CFHR3: variants seen among roughly 807,000 people sequenced by gnomAD.
CFHR3 encodes the protein complement factor H-related protein 3.
Under a neutral mutation model 36.0 loss-of-function variants are expected in CFHR3, and 22 were observed. That is an observed-to-expected ratio of 0.61 (90% confidence interval 0.44 to 0.87). The LOEUF (loss-of-function observed/expected upper bound fraction) is 0.87, where lower values mean the gene tolerates loss of function less well. Ranked by LOEUF, CFHR3 falls within the 40% of genes least tolerant of loss-of-function variation. CFHR3 has a pLI of 0.00. For synonymous variants in CFHR3, 97 were observed against 137.4 expected (o/e 0.71, Z 2.06); for missense variants, 276 against 401.3 (o/e 0.69, Z 2.67).
rs1269279896 is a variant in CFHR3 at position 196,788,592 on chromosome 1, AT to A, written c.613+197del. Among the ~76,000 whole-genome samples the A allele has an allele frequency of 5.1e-5, 7 of 137,394 alleles. 2 individuals are homozygous for A. The highest frequency in any genetic ancestry group is 4.9e-4 in the Admixed American group (7 of 14,254). The allele number at this position is 137,394 out of a possible 152,430, so 90.1% of individuals were successfully genotyped here. ...GTAATGGCTACTTGGGAAGATGATCATTTCATCTCTTACAACTCAATCTGCC... is the reference window on the plus strand; with the variant it reads ...GTAATGGCTACTTGGGAAGATGATCATTCATCTCTTACAACTCAATCTGCC... On this transcript the variant is annotated intron_variant, in intron 4 of 5. Coordinates refer to ENST00000367425, the MANE Select transcript of CFHR3 (RefSeq NM_021023.6).
intron 3 of CFHR3, among the ~76,000 whole-genome samples, chr1:196,782,038 A>T (rs1310405090): frequency 7.3e-6 from 1 of 137,428 alleles, no homozygotes; most frequent in Admixed American, 7.0e-5. Context: ...CTGTTTTCCC[A>T]GCAACATTTA....
chr1:196,781,655 T>C lies in CFHR3; in HGVS notation c.430+1682T>C, dbSNP rs1243759997. 2.2e-5 allele frequency among the ~76,000 whole-genome samples: 3 copies of C among 136,050 alleles called. 1 individual carries two copies. Among genetic ancestry groups the C allele is most frequent in the Admixed American group, 2.1e-4 (3 of 14,100 alleles). The allele number at this position is 136,050 out of a possible 152,430, so 89.3% of individuals were successfully genotyped here. A position where few individuals can be genotyped will look rare whatever the true frequency, so the allele number is the denominator to read the frequency against. On this transcript the variant is annotated intron_variant, in intron 3 of 5. Coordinates refer to ENST00000367425, the MANE Select transcript of CFHR3 (RefSeq NM_021023.6). Reference sequence around the variant, plus strand: ...CCCACTTTTTGATGGGGTTGTTTGTTTTTTTCTTGTAAATTTGTTTGAGTT... The same window carrying C: ...CCCACTTTTTGATGGGGTTGTTTGTCTTTTTCTTGTAAATTTGTTTGAGTT...
intron 1 of CFHR3, among the ~76,000 whole-genome samples, chr1:196,776,834 G>GATATATATATATAT (rs35001925): frequency 7.8e-6 from 1 of 128,152 alleles, no homozygotes; most frequent in East Asian, 2.0e-4. Flanking sequence ...TTTACTCAAG[G>GATATATATATATAT]ATATATATAT....
rs1277588967 is a variant in CFHR3, at chr1:196,792,230, G to C, written c.797-1087G>C. On this transcript the variant is annotated intron_variant, in intron 5 of 5. Coordinates refer to ENST00000367425, the MANE Select transcript of CFHR3 (RefSeq NM_021023.6). ...TCAAAAGTGATATGTACTATGTTAA[G>C]AAATTTATTTAAGTAAGTACTTGAA... 1.8e-5 allele frequency among the ~76,000 whole-genome samples: 2 copies of C among 113,626 alleles called. 1 individual carries two copies. Among genetic ancestry groups the C allele is most frequent in the Non-Finnish European group, 3.5e-5 (2 of 57,844 alleles). The allele number at this position is 113,626 out of a possible 152,430, so 74.5% of individuals were successfully genotyped here.
rs1427853084 is a variant in CFHR3 at position 196,788,976 on chromosome 1, C to T, written c.613+578C>T. 4.5e-6 allele frequency: 6 copies of T among 1,323,712 alleles called. 1 individual carries two copies. The highest frequency in any genetic ancestry group is 5.2e-5 in the East Asian group (2 of 38,448). The allele number at this position is 1,323,712 out of a possible 1,614,324, so 82.0% of individuals were successfully genotyped here. A position where few individuals can be genotyped will look rare whatever the true frequency, so the allele number is the denominator to read the frequency against. On this transcript the variant is annotated intron_variant, in intron 4 of 5. Transcript: ENST00000367425. ...GGGTGGGCTGAATGTTTACAAACCT[C>T]ATACTTGCCAATGGATTCTTTACAT...
At chr1:196,780,023 C>T in intron 3 of CFHR3, 50 bp downstream of exon 3, 1 of 1,523,994 alleles carries the variant, frequency 6.6e-7, no homozygotes, top group Non-Finnish European at 8.9e-7. Flanking sequence ...TTCTAAGTAA[C>T]ACGGACGACA....
chr1:196,785,996 C>T (rs1654181649), intron 3 of CFHR3, among the ~76,000 whole-genome samples: 1 of 135,638 alleles, frequency 7.4e-6, no homozygotes, highest in African/African-American at 3.1e-5. Flanking sequence ...GATGTCCTTT[C>T]TGTTTGTTAG....
intron 3 of CFHR3, among the ~76,000 whole-genome samples, chr1:196,786,189 G>A (rs563321061): frequency 1.5e-5 from 2 of 135,970 alleles, no homozygotes; most frequent in Admixed American, 7.1e-5. Flanking sequence ...GTACCCGGCC[G>A]TGTGAGGTGT....
Position 196,784,434 on chromosome 1 carries a change from G to A in CFHR3, c.431-3782G>A, listed in dbSNP as rs1654101176. On this transcript the variant is annotated intron_variant, in intron 3 of 5. Coordinates refer to ENST00000367425, the MANE Select transcript of CFHR3 (RefSeq NM_021023.6). ...AGTCTCCCATTATTATTGTGTGGGAGTCTAAGTCTCTTTGTAGGTCACTCC... is the reference window on the plus strand; with the variant it reads ...AGTCTCCCATTATTATTGTGTGGGAATCTAAGTCTCTTTGTAGGTCACTCC... Among the ~76,000 whole-genome samples the A allele has an allele frequency of 1.5e-5, 2 of 135,544 alleles. 1 individual carries two copies. Among genetic ancestry groups the A allele is most frequent in the Admixed American group, 1.4e-4 (2 of 14,082 alleles). 88.9% of individuals were successfully genotyped at this position (135,544 alleles called of 152,430 possible).
chr1:196,775,689 G>A (rs1483577624), intron 1 of CFHR3, among the ~76,000 whole-genome samples: 1 of 136,838 alleles, frequency 7.3e-6, no homozygotes, highest in Middle Eastern at 3.7e-3. Context: ...TGCAGGCCTT[G>A]CATATTAAAG....
At chr1:196,779,111 T>C in intron 1 of CFHR3, 51 bp from the exon 2 acceptor site, 2 of 1,301,330 alleles carry the variant, frequency 1.5e-6, no homozygotes, top group Non-Finnish European at 2.1e-6. Flanking sequence ...TCTAATATGA[T>C]TTATTACAGT....
intron 1 of CFHR3, 58 bp from the exon 2 acceptor site, chr1:196,779,104 A>G: frequency 7.9e-7 from 1 of 1,259,968 alleles, no homozygotes; most frequent in Non-Finnish European, 1.1e-6. Flanking sequence ...ATTTATCTCT[A>G]ATATGATTTA....
Position 196,793,341 on chromosome 1 carries a change from A to G in CFHR3, c.821A>G (p.Asn274Ser), listed in dbSNP as rs1208090956. Residue 274 changes from asparagine (N) to serine (S), a missense_variant, in exon 6 of 6, where the codon AAC becomes AGC. Asn to Ser is a conservative substitution (Grantham distance 46, BLOSUM62 1). Transcript: ENST00000367425. Reference sequence around the variant, plus strand: ...GATCCATGTATAATAACTGAAGAAAACATGAATAAAAATAACATAAAGTTA... The same window carrying G: ...GATCCATGTATAATAACTGAAGAAAGCATGAATAAAAATAACATAAAGTTA... ...CIHPCIITEENMNKNNIKLKG... is the reference protein window; with the variant it reads ...CIHPCIITEESMNKNNIKLKG... The G allele has an allele frequency of 6.6e-7, 1 of 1,517,000 alleles. No homozygotes were observed. Among genetic ancestry groups the G allele is most frequent in the East Asian group, 2.3e-5 (1 of 44,372 alleles). The allele number at this position is 1,517,000 out of a possible 1,614,324, so 94.0% of individuals were successfully genotyped here. A position where few individuals can be genotyped will look rare whatever the true frequency, so the allele number is the denominator to read the frequency against.
At chr1:196,776,210 T>C (rs1653711916) in intron 1 of CFHR3, among the ~76,000 whole-genome samples, 1 of 132,720 alleles carries the variant, frequency 7.5e-6, no homozygotes, top group African/African-American at 3.1e-5. Context: ...AAAAGAATGA[T>C]GACAAATTCT....
At position 196,777,301 on chromosome 1, in the gene CFHR3, G is replaced by A. The variant is rs1429675063; in HGVS notation, c.59-1861G>A. 1.5e-5 allele frequency among the ~76,000 whole-genome samples: 2 copies of A among 137,010 alleles called. 1 individual carries two copies. 89.9% of individuals were successfully genotyped at this position (137,010 alleles called of 152,430 possible). ...TAATCATGAATATCCTTTCAGAATT[G>A]TATAAACTTTATATTCATCTACTAG... On this transcript the variant is annotated intron_variant, in intron 1 of 5. Coordinates refer to ENST00000367425, the MANE Select transcript of CFHR3 (RefSeq NM_021023.6).
chr1:196,786,232 T>G (rs1379148029), intron 3 of CFHR3, among the ~76,000 whole-genome samples: 1 of 136,214 alleles, frequency 7.3e-6, no homozygotes, highest in East Asian at 2.0e-4. Context: ...GCCTCCCAGT[T>G]AGGCTGCTCG....
rs772065739 is a variant in CFHR3 at position 196,779,795 on chromosome 1, A to AGGAAAATGTTATTTTCCTTATTT, written c.261_283dup. The AGGAAAATGTTATTTTCCTTATTT allele has an allele frequency of 9.9e-6, 15 of 1,517,562 alleles. 1 individual carries two copies. 94.0% of individuals were successfully genotyped at this position (1,517,562 alleles called of 1,614,324 possible). ...ATTTATTTATCATTGCTATGTCCTT[A>AGGAAAATGTTATTTTCCTTATTT]GGAAAATGTTATTTTCCTTATTTGG... On this transcript the variant is annotated splice_acceptor_variant, in intron 2 of 5. Coordinates refer to ENST00000367425, the MANE Select transcript of CFHR3 (RefSeq NM_021023.6). LOFTEE classifies it high-confidence loss of function.
At chr1:196,789,375 T>G in intron 4 of CFHR3, 1 of 901,256 alleles carries the variant, frequency 1.1e-6, no homozygotes, top group Non-Finnish European at 1.3e-6. Flanking sequence ...AATTCCTACA[T>G]TTCTAGAATA....
At chr1:196,791,242 C>A (rs1419019030) in intron 5 of CFHR3, among the ~76,000 whole-genome samples, 4 of 136,272 alleles carry the variant, frequency 2.9e-5, no homozygotes, top group Admixed American at 2.8e-4. Flanking sequence ...AAAAACCCCT[C>A]AAGCCAGTAA....
Sources: allele counts gnomAD v4.1 joint callset (sites outside exome capture counted in the v4.1 genomes callset), GRCh38; gene constraint gnomAD v4.1.1; transcripts MANE v1.5; gene names NCBI Gene and HGNC (gene_info 2026-07-23, HGNC 2026-07-21).